Variants in HAO1 observed in about 807,000 individuals in gnomAD.
HAO1 encodes the protein 2-Hydroxyacid oxidase 1.
In HAO1, 34 loss-of-function variants were observed where a neutral mutation model predicts 39.7. That is an observed-to-expected ratio of 0.86 (90% confidence interval 0.65 to 1.14). HAO1 has a LOEUF of 1.14. Ranked by LOEUF, HAO1 falls within the 50% of genes most tolerant of loss-of-function variation. The pLI, the probability that HAO1 is intolerant of heterozygous loss-of-function variation, is 0.00. For synonymous variants in HAO1, 172 were observed against 173.2 expected (o/e 0.99, Z 0.05); for missense variants, 479 against 464.5 (o/e 1.03, Z -0.29).
rs759319572 is a variant in HAO1, at chr20:7,914,275, C to T, written c.434G>A (p.Arg145Gln). Residue 145 changes from arginine (R) to glutamine (Q), a missense_variant, in exon 3 of 8, where the codon CGG becomes CAG. By Grantham distance (43) the Arg-to-Gln change is conservative. Transcript: ENST00000378789. ...CTTGTAGCCCATCTTCTCTGCCTGC[C>T]GCACTAGCTTCTTGGTGACTTCTCG... ...KDREVTKKLV[R>Q]QAEKMGYKAI... is the part of the protein sequence containing the mutation. The T allele has an allele frequency of 2.9e-5, 47 of 1,613,998 alleles. No individual in the cohort carries two copies. Among genetic ancestry groups the T allele is most frequent in the Non-Finnish European group, 3.7e-5 (44 of 1,179,952 alleles).
Position 7,914,152 on chromosome 20 carries a change from G to T in HAO1, c.545+12C>A, listed in dbSNP as rs763044922. 6.2e-7 allele frequency: 1 copy of T among 1,613,136 alleles called. No homozygotes were observed. Among genetic ancestry groups the T allele is most frequent in the Non-Finnish European group, 8.5e-7 (1 of 1,179,162 alleles). On this transcript the variant is annotated intron_variant, in intron 3 of 7. Transcript: ENST00000378789. ...TTTCGCCTCAGCTCGGGGCCCACATGATCATGGTTACCTGAGTTGTGGCGG... is the reference window on the plus strand; with the variant it reads ...TTTCGCCTCAGCTCGGGGCCCACATTATCATGGTTACCTGAGTTGTGGCGG...
chr20:7,923,932 G>A (rs3817774), intron 2 of HAO1, among the ~76,000 whole-genome samples: 12,564 of 152,090 alleles, frequency 0.083, 861 homozygotes, highest in East Asian at 0.31. Flanking sequence ...CATTGAAAAC[G>A]GGAGGGAAAT....
At position 7,931,043 on chromosome 20, in the gene HAO1, G is replaced by C. The variant is rs189765986; in HGVS notation, c.289+3441C>G. ...ATATTAAATAGACTAATAACCTATA[G>C]ATAGTCTTTAAAACATAGGTGAAAA... On this transcript the variant is annotated intron_variant, in intron 2 of 7. Coordinates refer to ENST00000378789, the MANE Select transcript of HAO1 (RefSeq NM_017545.3). 2.4e-3 allele frequency among the ~76,000 whole-genome samples: 360 copies of C among 152,258 alleles called. 2 individuals carry two copies. Among genetic ancestry groups the C allele is most frequent in the Non-Finnish European group, 4.1e-3 (276 of 68,022 alleles).
intron 1 of HAO1, among the ~76,000 whole-genome samples, chr20:7,938,778 TTGTC>T (rs2050425924): frequency 6.6e-6 from 1 of 152,248 alleles, no homozygotes; most frequent in East Asian, 1.9e-4. Flanking sequence ...GACAGGAACT[TTGTC>T]TGGCTCACTG....
intron 2 of HAO1, 63 bp downstream of exon 2, chr20:7,934,421 C>T: frequency 7.8e-7 from 1 of 1,274,854 alleles, no homozygotes. Context: ...TTGGTGCATT[C>T]AGAGAAGGAG....
chr20:7,915,713 C>T (rs1381797909), intron 2 of HAO1, among the ~76,000 whole-genome samples: 11 of 151,868 alleles, frequency 7.2e-5, no homozygotes, highest in Non-Finnish European at 1.6e-4. Flanking sequence ...CTGGGTATTA[C>T]AATTTTAAAA....
chr20:7,916,157 T>C (rs1319897449), intron 2 of HAO1, among the ~76,000 whole-genome samples: 1 of 152,172 alleles, frequency 6.6e-6, no homozygotes, highest in Non-Finnish European at 1.5e-5. Context: ...ATAGGTAGGC[T>C]TTCTTCCAAA....
intron 3 of HAO1, among the ~76,000 whole-genome samples, chr20:7,906,679 C>A (rs2122768814): frequency 6.6e-6 from 1 of 152,218 alleles, no homozygotes; most frequent in East Asian, 1.9e-4. Context: ...GCCAGCAATG[C>A]AAATTAATCA....
At chr20:7,939,209 T>C (rs2235240) in intron 1 of HAO1, among the ~76,000 whole-genome samples, 11,176 of 152,110 alleles carry the variant, frequency 0.073, 525 homozygotes, top group East Asian at 0.2. Context: ...TTGAGCTCAT[T>C]TGGGTTCCAG....
At chr20:7,886,332 C>T (rs924042647) in intron 5 of HAO1, among the ~76,000 whole-genome samples, 2 of 151,974 alleles carry the variant, frequency 1.3e-5, no homozygotes, top group Non-Finnish European at 2.9e-5. Context: ...CACCACCATG[C>T]CTAGCTAATT....
intron 2 of HAO1, among the ~76,000 whole-genome samples, chr20:7,924,235 T>A (rs1270799650): frequency 6.8e-6 from 1 of 146,102 alleles, no homozygotes; most frequent in Non-Finnish European, 1.5e-5. Context: ...TGTTTGTTTG[T>A]TTAGCTTGCT....
chr20:7,892,690 A>G (rs2050179706), intron 5 of HAO1, among the ~76,000 whole-genome samples: 2 of 152,152 alleles, frequency 1.3e-5, no homozygotes. Context: ...GAAAATATTT[A>G]TATAAGAATC....
chr20:7,930,119 G>C (rs2050379172), intron 2 of HAO1, among the ~76,000 whole-genome samples: 1 of 152,072 alleles, frequency 6.6e-6, no homozygotes, highest in South Asian at 2.1e-4. Context: ...CCTGCTGAGG[G>C]GGACACTTCT....
Position 7,934,639 on chromosome 20 carries a change from G to T in HAO1, c.138-4C>A. 1 of 1,559,638 alleles carries T rather than the reference G, an allele frequency of 6.4e-7. No homozygotes were observed. Among genetic ancestry groups the T allele is most frequent in the Non-Finnish European group, 8.7e-7 (1 of 1,152,904 alleles). ...CATCCTTGGATACAGCTTCCATCTAGAATTAAAAAATAAAATAAAATAAAA... is the reference window on the plus strand; with the variant it reads ...CATCCTTGGATACAGCTTCCATCTATAATTAAAAAATAAAATAAAATAAAA... On this transcript the variant is annotated splice_polypyrimidine_tract_variant and splice_region_variant and intron_variant, in intron 1 of 7. Transcript: ENST00000378789.
intron 2 of HAO1, among the ~76,000 whole-genome samples, chr20:7,928,093 C>A (rs2050367718): frequency 6.6e-6 from 1 of 152,174 alleles, no homozygotes; most frequent in South Asian, 2.1e-4. Flanking sequence ...TGAGTTTATG[C>A]AACATTTATT....
chr20:7,932,908 C>G (rs543925327), intron 2 of HAO1, among the ~76,000 whole-genome samples: 10 of 152,204 alleles, frequency 6.6e-5, no homozygotes, highest in Admixed American at 6.5e-4. Flanking sequence ...CTTTGATATA[C>G]AGTGCCAGAT....
At chr20:7,927,377 T>C (rs1433844262) in intron 2 of HAO1, among the ~76,000 whole-genome samples, 1 of 151,970 alleles carries the variant, frequency 6.6e-6, no homozygotes, top group Non-Finnish European at 1.5e-5. Context: ...AAGAAAAAAA[T>C]TCAAAAAAAT....
intron 3 of HAO1, among the ~76,000 whole-genome samples, chr20:7,913,266 C>T (rs1244566801): frequency 1.3e-5 from 2 of 150,476 alleles, no homozygotes; most frequent in Non-Finnish European, 2.9e-5. Flanking sequence ...TCCTCATCAT[C>T]TTACATATTC....
chr20:7,936,006 G>GA (rs888261243), intron 1 of HAO1, among the ~76,000 whole-genome samples: 14 of 150,218 alleles, frequency 9.3e-5, no homozygotes, highest in East Asian at 1.9e-4. Flanking sequence ...GTAACTTAAA[G>GA]AAAAAAAAAG....
Sources: allele counts gnomAD v4.1 joint callset (sites outside exome capture counted in the v4.1 genomes callset), GRCh38; gene constraint gnomAD v4.1.1; transcripts MANE v1.5; gene names NCBI Gene and HGNC (gene_info 2026-07-23, HGNC 2026-07-21).